PROX2: variants seen among roughly 807,000 people sequenced by gnomAD.
PROX2 encodes the protein prospero homeobox 2.
Under a neutral mutation model 48.9 loss-of-function variants are expected in PROX2, and 46 were observed. The observed-to-expected ratio is 0.94, with a 90% CI of 0.74 to 1.20. The LOEUF is 1.20. Among genes scored for constraint, PROX2 ranks in the 50% most tolerant of loss-of-function variants. The pLI is 0.00. For missense variants in PROX2, 663 were observed against 719.4 expected, an observed-to-expected ratio of 0.92 and a Z score of 0.90; for synonymous variants, 260 against 276.6, an observed-to-expected ratio of 0.94 and a Z score of 0.60.
At position 74,863,743 on chromosome 14, in the gene PROX2, G is replaced by C. The variant is rs1448968150; in HGVS notation, c.92C>G (p.Pro31Arg). 2.0e-6 allele frequency: 3 copies of C among 1,530,024 alleles called. No individual in the cohort carries two copies. The highest frequency in any genetic ancestry group is 2.6e-6 in the Non-Finnish European group (3 of 1,143,168). 94.8% of individuals were successfully genotyped at this position (1,530,024 alleles called of 1,614,324 possible). ...ACTEGERSSS[P>R]PELDRDSPFP... ...CGGGGAGTCTCTATCCAGCTCTGGA[G>C]GGGATGAGCTTCTCTCGCCTTCCGT... is the stretch of plus-strand genomic sequence containing the variant. Residue 31 changes from proline (P) to arginine (R), a missense_variant, in exon 3 of 6, where the codon CCT (proline) becomes CGT (arginine). Physicochemically the swap from Pro to Arg is moderately radical, Grantham distance 103. Transcript: ENST00000556489.
At chr14:74,868,642 G>A (rs1883135400) in intron 2 of PROX2, among the ~76,000 whole-genome samples, 1 of 151,452 alleles carries the variant, frequency 6.6e-6, no homozygotes, top group Non-Finnish European at 1.5e-5. Context: ...AGACCATCCT[G>A]GCTAACACAG....
At chr14:74,855,369 C>G (rs2091735495) in intron 5 of PROX2, 67 bp from the exon 6 acceptor site, 2 of 1,335,742 alleles carry the variant, frequency 1.5e-6, no homozygotes, top group African/African-American at 1.5e-5. Context: ...TGCCAGAGCC[C>G]TCACTAGCGG....
At position 74,863,342 on chromosome 14, in the gene PROX2, C is replaced by G; in HGVS notation, c.493G>C (p.Gly165Arg). 6.2e-7 allele frequency: 1 copy of G among 1,614,072 alleles called. No homozygotes were observed. Among genetic ancestry groups the G allele is most frequent in the Non-Finnish European group, 8.5e-7 (1 of 1,179,900 alleles). Residue 165 changes from glycine (G) to arginine (R), a missense_variant, in exon 3 of 6, where the codon GGC becomes CGC. Coordinates refer to ENST00000556489, the MANE Select transcript of PROX2 (RefSeq NM_001243007.2). Reference sequence around the variant, plus strand: ...AGAGGGCCTTTCCCCGTGCCACAGCCTCCTGGCCCCTGAGCTGTGTCCCTG... The same window carrying G: ...AGAGGGCCTTTCCCCGTGCCACAGCGTCCTGGCCCCTGAGCTGTGTCCCTG... ...KPRDTAQGPG[G>R]CGTGKGPLSA...
At position 74,858,315 on chromosome 14, in the gene PROX2, C is replaced by T. The variant is rs2091762911; in HGVS notation, c.1413+92G>A. 9.8e-6 allele frequency: 7 copies of T among 712,904 alleles called. No homozygotes were observed. In the South Asian group the frequency reaches 1.0e-4, roughly 10 times the overall value. The allele number at this position is 712,904 out of a possible 1,614,324, so 44.2% of individuals were successfully genotyped here. ...AACACTAAGGGGAGCTTGAAGTGCA[C>T]ATATGATGACCTAGGACTTGCCTCA... On this transcript the variant is annotated intron_variant, in intron 4 of 5. Coordinates refer to ENST00000556489, the MANE Select transcript of PROX2 (RefSeq NM_001243007.2).
At chr14:74,862,377 A>T in intron 3 of PROX2, 153 bp downstream of exon 3, 1 of 799,512 alleles carries the variant, frequency 1.3e-6, no homozygotes, top group African/African-American at 1.7e-5. Flanking sequence ...TTTTATTTTT[A>T]GAGATGGGGT....
chr14:74,855,926 T>C (rs2091739468), intron 5 of PROX2: 1 of 152,180 alleles, frequency 6.6e-6, no homozygotes, highest in South Asian at 2.1e-4. Context: ...ATACTGGCCG[T>C]GACCCCTTGA....
Position 74,854,910 on chromosome 14 carries a change from A to G in PROX2, c.*222T>C, listed in dbSNP as rs188512911. 2.0e-3 allele frequency: 674 copies of G among 343,078 alleles called. 5 individuals carry two copies. Among genetic ancestry groups the G allele is most frequent in the South Asian group, 0.016 (124 of 7,866 alleles). 21.3% of individuals were successfully genotyped at this position (343,078 alleles called of 1,614,324 possible). A position where few individuals can be genotyped will look rare whatever the true frequency, so the allele number is the denominator to read the frequency against. On this transcript the variant is annotated 3_prime_UTR_variant, in exon 6 of 6. Transcript: ENST00000556489. ...ATTGGAAACTTGTGTTCCTTTTACA[A>G]TATACTACCAATACACCAATATAGT...
chr14:74,864,207 A>G (rs569585174), intron 2 of PROX2, among the ~76,000 whole-genome samples, 199 bp from the exon 3 acceptor site: 89 of 152,266 alleles, frequency 5.8e-4, no homozygotes, highest in African/African-American at 2.1e-3. Context: ...CACTTTGAGG[A>G]GACTCCGAGA....
At chr14:74,862,489 C>A (rs1423705621) in intron 3 of PROX2, 41 bp downstream of exon 3, 11 of 1,574,886 alleles carry the variant, frequency 7.0e-6, no homozygotes, top group Non-Finnish European at 9.5e-6. Context: ...CCACACTGCA[C>A]CTGGCCAACA....
chr14:74,873,720 C>A, intron 1 of PROX2: 1 of 457,276 alleles, frequency 2.2e-6, no homozygotes. Flanking sequence ...AGAGAGTCAC[C>A]TGCAATAAGT....
At chr14:74,872,590 G>A (rs1352158555) in intron 1 of PROX2, among the ~76,000 whole-genome samples, 1 of 152,186 alleles carries the variant, frequency 6.6e-6, no homozygotes, top group Non-Finnish European at 1.5e-5. Context: ...ATACTTGCCA[G>A]ACAGAGCTAA....
At position 74,855,103 on chromosome 14, in the gene PROX2, C is replaced by G. The variant is rs895040141; in HGVS notation, c.*29G>C. Reference sequence around the variant, plus strand: ...CAGGAAACCCTAGCCAGTCACTCCTCACGTTGTGGGATCTTAACCCCGAAA... The same window carrying G: ...CAGGAAACCCTAGCCAGTCACTCCTGACGTTGTGGGATCTTAACCCCGAAA... On this transcript the variant is annotated 3_prime_UTR_variant, in exon 6 of 6. Coordinates refer to ENST00000556489, the MANE Select transcript of PROX2 (RefSeq NM_001243007.2). The G allele has an allele frequency of 8.2e-6, 12 of 1,458,572 alleles. No individual in the cohort carries two copies. In the African/African-American group the frequency reaches 1.5e-4, roughly 19 times the overall value. The allele number at this position is 1,458,572 out of a possible 1,614,324, so 90.4% of individuals were successfully genotyped here.
chr14:74,875,355 G>A (rs142187137), intron 1 of PROX2, among the ~76,000 whole-genome samples: 17 of 152,294 alleles, frequency 1.1e-4, no homozygotes, highest in African/African-American at 4.1e-4. Flanking sequence ...TTATGGATGA[G>A]GAACCAGGAG....
At chr14:74,873,185 A>C (rs990154515) in intron 1 of PROX2, among the ~76,000 whole-genome samples, 4 of 152,016 alleles carry the variant, frequency 2.6e-5, no homozygotes, top group Admixed American at 1.3e-4. Flanking sequence ...GGGTTTCACC[A>C]TGTTAGCCAG....
At chr14:74,872,863 G>A (rs1249092439) in intron 1 of PROX2, among the ~76,000 whole-genome samples, 1 of 152,170 alleles carries the variant, frequency 6.6e-6, no homozygotes, top group Non-Finnish European at 1.5e-5. Flanking sequence ...AGGCCACACA[G>A]CCCTGTCCAT....
intron 1 of PROX2, among the ~76,000 whole-genome samples, chr14:74,874,563 C>A (rs11159107): frequency 0.51 from 78,094 of 151,838 alleles, 20,473 homozygotes; most frequent in African/African-American, 0.62. Context: ...TACAAATTTC[C>A]TAAAAATAAA....
At chr14:74,858,142 C>T (rs1432314096) in intron 4 of PROX2, 2 of 320,182 alleles carry the variant, frequency 6.2e-6, no homozygotes, top group South Asian at 8.5e-5. Context: ...CTGTTTCCCT[C>T]TACTTTTCCT....
chr14:74,858,868 G>A, intron 3 of PROX2: 2 of 188,832 alleles, frequency 1.1e-5, no homozygotes, highest in Non-Finnish European at 1.1e-5. Context: ...GTGTGTGTGT[G>A]TGTGTGTGTG....
rs187594087 is a variant in PROX2 at position 74,858,563 on chromosome 14, A to G, written c.1306-49T>C. 2.6e-3 allele frequency: 2,488 copies of G among 966,072 alleles called. 3 individuals carry two copies. Among genetic ancestry groups the G allele is most frequent in the Non-Finnish European group, 3.4e-3 (2,129 of 620,302 alleles). 59.8% of individuals were successfully genotyped at this position (966,072 alleles called of 1,614,324 possible). On this transcript the variant is annotated intron_variant, in intron 3 of 5. Transcript: ENST00000556489. ...AACACTTTAAAATGCCAGTTTATCAATTAACTAGTGAATTCCTTGTTCCTG... is the reference window on the plus strand; with the variant it reads ...AACACTTTAAAATGCCAGTTTATCAGTTAACTAGTGAATTCCTTGTTCCTG...
Sources: allele counts gnomAD v4.1 joint callset (sites outside exome capture counted in the v4.1 genomes callset), GRCh38; gene constraint gnomAD v4.1.1; transcripts MANE v1.5; gene names NCBI Gene and HGNC (gene_info 2026-07-23, HGNC 2026-07-21).